The following TMEM87A variants were observed in gnomAD, a reference collection of about 807,000 sequenced individuals.
TMEM87A encodes the protein Golgi-pH regulating cation channel.
A neutral mutation model predicts 90.0 loss-of-function variants in TMEM87A; 50 were observed. The ratio of observed to expected loss-of-function variants is 0.56; its 90% CI spans 0.44 to 0.70. The LOEUF (loss-of-function observed/expected upper bound fraction) is 0.70, where lower values mean the gene tolerates loss of function less well. Among genes scored for constraint, TMEM87A ranks in the 30% least tolerant of loss-of-function variants. The pLI, the probability that TMEM87A is intolerant of heterozygous loss-of-function variation, is 0.00. For missense variants in TMEM87A, 577 were observed against 660.5 expected, an observed-to-expected ratio of 0.87 and a Z score of 1.39; for synonymous variants, 226 against 226.7, an observed-to-expected ratio of 1.00 and a Z score of 0.03.
chr15:42,272,710 A>G, intron 1 of TMEM87A: 1 of 333,992 alleles, frequency 3.0e-6, no homozygotes, highest in East Asian at 8.1e-5. Flanking sequence ...CTTCAATTTT[A>G]ACCATTCCCA....
chr15:42,213,399 A>G (rs1320035179), intron 19 of TMEM87A, among the ~76,000 whole-genome samples: 1 of 152,174 alleles, frequency 6.6e-6, no homozygotes, highest in East Asian at 1.9e-4. Flanking sequence ...CAACATCCCC[A>G]AATCCTAGCT....
At chr15:42,250,662 C>G (rs2051068135) in intron 6 of TMEM87A, among the ~76,000 whole-genome samples, 1 of 152,144 alleles carries the variant, frequency 6.6e-6, no homozygotes, top group African/African-American at 2.4e-5. Context: ...CTCTGGCTGC[C>G]CTTAACATTT....
At chr15:42,233,388 A>C (rs2050718970) in intron 10 of TMEM87A, 82 bp from the exon 11 acceptor site, 1 of 978,882 alleles carries the variant, frequency 1.0e-6, no homozygotes, top group Admixed American at 2.1e-5. Context: ...TGTGTTAATT[A>C]ATATAGGCCA....
intron 6 of TMEM87A, among the ~76,000 whole-genome samples, chr15:42,255,358 G>C (rs146280267): frequency 2.6e-5 from 4 of 152,052 alleles, no homozygotes; most frequent in Admixed American, 2.6e-4. Flanking sequence ...TCTTGAACTC[G>C]TGACCTCAGG....
chr15:42,227,871 C>G (rs531746722), intron 13 of TMEM87A, 102 bp from the exon 14 acceptor site: 2 of 931,612 alleles, frequency 2.1e-6, no homozygotes, highest in African/African-American at 1.6e-5. Flanking sequence ...CACCCCGAAC[C>G]CCCAAATACA....
chr15:42,265,569 T>A (rs2051386578), intron 3 of TMEM87A, among the ~76,000 whole-genome samples: 1 of 152,228 alleles, frequency 6.6e-6, no homozygotes. Flanking sequence ...TGCATATAAA[T>A]TTGTTTAAGT....
At chr15:42,232,085 T>C (rs2050695113) in intron 11 of TMEM87A, among the ~76,000 whole-genome samples, 1 of 152,240 alleles carries the variant, frequency 6.6e-6, no homozygotes, top group African/African-American at 2.4e-5. Context: ...CGTTTTCTTG[T>C]GGGCAAAGCC....
At chr15:42,251,127 G>C (rs1340122790) in intron 6 of TMEM87A, among the ~76,000 whole-genome samples, 1 of 152,064 alleles carries the variant, frequency 6.6e-6, no homozygotes, top group Non-Finnish European at 1.5e-5. Context: ...GTTTATTCTA[G>C]ATAGCCATTC....
At chr15:42,262,966 C>T (rs371622075) in intron 4 of TMEM87A, among the ~76,000 whole-genome samples, 2 of 152,052 alleles carry the variant, frequency 1.3e-5, no homozygotes, top group Non-Finnish European at 2.9e-5. Context: ...TGTGTAAGCA[C>T]GAAAAATGTA....
intron 10 of TMEM87A, 53 bp downstream of exon 10, chr15:42,236,267 T>A: frequency 6.9e-7 from 1 of 1,454,264 alleles, no homozygotes; most frequent in Non-Finnish European, 9.7e-7. Flanking sequence ...CAATACTGTT[T>A]TAATTTAATC....
intron 6 of TMEM87A, among the ~76,000 whole-genome samples, chr15:42,244,483 T>TA (rs2050934837): frequency 6.6e-6 from 1 of 151,888 alleles, no homozygotes; most frequent in Non-Finnish European, 1.5e-5. Flanking sequence ...GGATACTAGT[T>TA]TGTGTTTTAT....
chr15:42,221,283 G>GAC (rs2050478763), intron 15 of TMEM87A, among the ~76,000 whole-genome samples: 1 of 151,436 alleles, frequency 6.6e-6, no homozygotes, highest in Non-Finnish European at 1.5e-5. Context: ...GAGAGAGAGA[G>GAC]AGAGAGAGAG....
chr15:42,262,315 C>T (rs2051311370), intron 4 of TMEM87A: 1 of 152,200 alleles, frequency 6.6e-6, no homozygotes, highest in Non-Finnish European at 1.5e-5. Flanking sequence ...CTAGCTTTCT[C>T]TACCATTCTT....
chr15:42,237,606 C>A lies in TMEM87A; in HGVS notation c.694G>T (p.Val232Leu). ...AACAGGACATATACAATACACATCA[C>A]CATGAAAAACTGTTATCAAATTGGG... ...EDYPLMIFFM[V>L]MCIVYVLFGV... The change falls in exon 9 of 20, where the codon GTG (valine) becomes TTG (leucine). Residue 232 changes from valine (V) to leucine (L), a missense_variant. Coordinates refer to ENST00000389834, the MANE Select transcript of TMEM87A (RefSeq NM_015497.5). 6.4e-7 allele frequency: 1 copy of A among 1,573,688 alleles called. No homozygotes were observed. Among genetic ancestry groups the A allele is most frequent in the East Asian group, 2.3e-5 (1 of 43,288 alleles).
At chr15:42,247,177 G>A (rs1010773805) in intron 6 of TMEM87A, among the ~76,000 whole-genome samples, 1 of 152,312 alleles carries the variant, frequency 6.6e-6, no homozygotes, top group Admixed American at 6.5e-5. Context: ...GTTCTTCGTA[G>A]ATTCTGGATA....
In TMEM87A at chr15:42,260,959, G is replaced by T. The variant is rs2051276967; in HGVS notation, c.503C>A (p.Thr168Asn). Residue 168 changes from threonine to asparagine, a missense_variant and splice_region_variant, in exon 6 of 20, where the codon ACC becomes AAC. Physicochemically the swap from Thr to Asn is moderately conservative, Grantham distance 65. Transcript: ENST00000389834. ...CCCCAAATCCCCAAATATACTTACG[G>T]TTTTGTCTCCAATAAAGGTAAGGTT... ...GTNLTFIGDKTAMHEPLQTWQ... is the reference protein window; with the variant it reads ...GTNLTFIGDKNAMHEPLQTWQ... 6.2e-7 allele frequency: 1 copy of T among 1,606,972 alleles called. No individual in the cohort carries two copies. The highest frequency in any genetic ancestry group is 1.1e-5 in the South Asian group (1 of 89,348).
At chr15:42,270,175 G>A (rs567099777) in intron 2 of TMEM87A, among the ~76,000 whole-genome samples, 2 of 152,046 alleles carry the variant, frequency 1.3e-5, no homozygotes, top group African/African-American at 2.4e-5. Flanking sequence ...TTCGAGACCA[G>A]CCTGGCCAAT....
intron 6 of TMEM87A, among the ~76,000 whole-genome samples, chr15:42,251,069 T>C (rs2051075802): frequency 6.6e-6 from 1 of 152,200 alleles, no homozygotes; most frequent in Admixed American, 6.5e-5. Context: ...ATAGTTCTCG[T>C]GCCATGGTTT....
intron 4 of TMEM87A, among the ~76,000 whole-genome samples, chr15:42,261,547 T>A (rs1214507486): frequency 1.3e-5 from 2 of 152,128 alleles, no homozygotes; most frequent in Non-Finnish European, 2.9e-5. Flanking sequence ...AGAAGAAGCT[T>A]AGATCATTTC....
Sources: gnomAD v4.1 joint callset for allele counts (sites outside exome capture counted in the v4.1 genomes callset) on GRCh38, gnomAD v4.1.1 for gene constraint, MANE v1.5 for transcripts, NCBI Gene and HGNC (gene_info 2026-07-23, HGNC 2026-07-21) for gene names.